ARHGAP6: variants seen among roughly 807,000 people sequenced by gnomAD.
ARHGAP6 encodes the protein Rho GTPase activating protein 6, also known as rho GTPase-activating protein 6.
Under a neutral mutation model 55.7 loss-of-function variants are expected in ARHGAP6, and 16 were observed. The ratio of observed to expected loss-of-function variants is 0.29; its 90% confidence interval spans 0.19 to 0.44. ARHGAP6 has a LOEUF of 0.44. Among genes scored for constraint, ARHGAP6 ranks in the 20% least tolerant of loss-of-function variants. The probability of loss-of-function intolerance (pLI) is 1.00; values close to 1 mark genes in which losing one functional copy is unlikely to be tolerated. For synonymous variants in ARHGAP6, 382 were observed against 360.9 expected (o/e 1.06, Z -0.66); for missense variants, 698 against 808.9 (o/e 0.86, Z 1.66).
rs936696307 is a variant in ARHGAP6 at position 11,568,513 on chromosome X, T to C, written c.588+95728A>G. The stretch of plus-strand genomic sequence containing the variant: ...CTGGCCAAACGCAGTGGCTCACGCC[T>C]ATAATCCCAGCGGTGGGCAGATCAC... On this transcript the variant is annotated intron_variant, in intron 1 of 12. Transcript: ENST00000337414. 2.9e-4 allele frequency among the ~76,000 whole-genome samples: 33 copies of C among 112,211 alleles called. 1 individual carries two copies. Among genetic ancestry groups the C allele is most frequent in the Admixed American group, 2.5e-3 (26 of 10,600 alleles).
chrX:11,647,232 T>C (rs991469218), intron 1 of ARHGAP6, among the ~76,000 whole-genome samples: 6 of 112,406 alleles, frequency 5.3e-5, no homozygotes, highest in African/African-American at 1.3e-4. Flanking sequence ...TTTGGTAGAT[T>C]TGTGTGTTTA....
At chrX:11,309,294 C>T (rs901960842) in intron 1 of ARHGAP6, among the ~76,000 whole-genome samples, 3 of 111,470 alleles carry the variant, frequency 2.7e-5, no homozygotes, top group Non-Finnish European at 5.7e-5. Context: ...CAGGCAGTAG[C>T]GAGCCCCCAT....
chrX:11,283,172 A>T (rs1024970524), intron 1 of ARHGAP6, among the ~76,000 whole-genome samples: 1 of 112,030 alleles, frequency 8.9e-6, no homozygotes, highest in African/African-American at 3.2e-5. Context: ...CTATATAGTC[A>T]TATCGTGCTC....
At chrX:11,644,675 G>A (rs964246919) in intron 1 of ARHGAP6, among the ~76,000 whole-genome samples, 2 of 110,750 alleles carry the variant, frequency 1.8e-5, no homozygotes, top group African/African-American at 6.6e-5. Flanking sequence ...GAAAAAAATA[G>A]AAACTACTAA....
chrX:11,454,110 A>ATTT (rs1187605203), intron 1 of ARHGAP6, among the ~76,000 whole-genome samples: 20 of 76,848 alleles, frequency 2.6e-4, no homozygotes, highest in Non-Finnish European at 3.1e-4. Context: ...CGCACGGCTA[A>ATTT]TTTTTTTTTT....
chrX:11,491,310 C>A (rs1261969953), intron 1 of ARHGAP6, among the ~76,000 whole-genome samples: 1 of 111,045 alleles, frequency 9.0e-6, no homozygotes, highest in Non-Finnish European at 1.9e-5. Flanking sequence ...CGTGCTGCAC[C>A]CATTAACCCG....
chrX:11,330,874 G>A (rs2048555046), intron 1 of ARHGAP6, among the ~76,000 whole-genome samples: 1 of 111,858 alleles, frequency 8.9e-6, no homozygotes, highest in Admixed American at 9.5e-5. Flanking sequence ...CTATTCTCAT[G>A]GATGTTAGAA....
chrX:11,394,930 A>T (rs758578301), intron 1 of ARHGAP6, among the ~76,000 whole-genome samples: 1 of 111,884 alleles, frequency 8.9e-6, no homozygotes, highest in Non-Finnish European at 1.9e-5. Context: ...TCTTGCTCAG[A>T]TTAATAATTT....
At chrX:11,630,970 G>A (rs933207510) in intron 1 of ARHGAP6, among the ~76,000 whole-genome samples, 2 of 110,600 alleles carry the variant, frequency 1.8e-5, no homozygotes, top group African/African-American at 6.6e-5. Flanking sequence ...CAATGAAAGC[G>A]GCCGCTTGGC....
chrX:11,528,797 T>C (rs2051017535), intron 1 of ARHGAP6, among the ~76,000 whole-genome samples: 1 of 111,861 alleles, frequency 8.9e-6, no homozygotes, highest in South Asian at 3.7e-4. Flanking sequence ...ATTAAGCTTT[T>C]GGGTTCTCCA....
At chrX:11,620,037 C>T (rs1453024139) in intron 1 of ARHGAP6, among the ~76,000 whole-genome samples, 3 of 112,040 alleles carry the variant, frequency 2.7e-5, no homozygotes, top group African/African-American at 9.7e-5. Flanking sequence ...AAATGCAATG[C>T]CTGTGCTCAA....
At chrX:11,501,941 G>C (rs995301140) in intron 1 of ARHGAP6, among the ~76,000 whole-genome samples, 2 of 111,436 alleles carry the variant, frequency 1.8e-5, no homozygotes, top group South Asian at 7.7e-4. Flanking sequence ...AACTTGTGTT[G>C]TTGAAAGATC....
At chrX:11,450,881 G>A (rs752924017) in intron 1 of ARHGAP6, among the ~76,000 whole-genome samples, 1 of 111,312 alleles carries the variant, frequency 9.0e-6, no homozygotes, top group East Asian at 2.8e-4. Context: ...ATTATCAAAT[G>A]TCCCCTGGGT....
intron 1 of ARHGAP6, among the ~76,000 whole-genome samples, chrX:11,428,081 A>C (rs955207239): frequency 1.8e-5 from 2 of 112,472 alleles, no homozygotes; most frequent in African/African-American, 6.4e-5. Context: ...CAAAGCCTTT[A>C]ATGCCAGCGA....
chrX:11,656,483 A>G (rs1224831780), intron 1 of ARHGAP6, among the ~76,000 whole-genome samples: 2 of 112,476 alleles, frequency 1.8e-5, no homozygotes. Flanking sequence ...AGATGTCAGT[A>G]GAGCTATATT....
chrX:11,596,995 T>C (rs909806048), intron 1 of ARHGAP6, among the ~76,000 whole-genome samples: 2 of 111,926 alleles, frequency 1.8e-5, no homozygotes, highest in Admixed American at 9.5e-5. Context: ...TTTTTCTCAC[T>C]GAAAATTCAA....
chrX:11,155,582 G>A (rs982631941), intron 10 of ARHGAP6, among the ~76,000 whole-genome samples: 1 of 111,914 alleles, frequency 8.9e-6, no homozygotes, highest in African/African-American at 3.3e-5. Context: ...TTACAGGTAC[G>A]GGATTACGTT....
intron 1 of ARHGAP6, among the ~76,000 whole-genome samples, chrX:11,510,651 T>C (rs1826327873): frequency 9.0e-6 from 1 of 111,193 alleles, no homozygotes; most frequent in Non-Finnish European, 1.9e-5. Flanking sequence ...CAAGCTTGCA[T>C]TGTGCACTCC....
chrX:11,280,164 T>C (rs996637465), intron 1 of ARHGAP6, among the ~76,000 whole-genome samples: 1 of 111,921 alleles, frequency 8.9e-6, no homozygotes, highest in Non-Finnish European at 1.9e-5. Context: ...TCTAACCTAA[T>C]GTCTCCCAAT....
Sources: allele counts gnomAD v4.1 joint callset (sites outside exome capture counted in the v4.1 genomes callset), GRCh38; gene constraint gnomAD v4.1.1; transcripts MANE v1.5; gene names NCBI Gene and HGNC (gene_info 2026-07-23, HGNC 2026-07-21).